Variants in ANKS1B observed in about 807,000 individuals in gnomAD.
ANKS1B encodes ankyrin repeat and sterile alpha motif domain containing 1B, also known as ankyrin repeat and sterile alpha motif domain-containing protein 1B.
In ANKS1B, 36 loss-of-function variants were observed where a neutral mutation model predicts 148.3. That is an observed-to-expected ratio of 0.24 (90% CI 0.19 to 0.32). The LOEUF (loss-of-function observed/expected upper bound fraction) is 0.32. Ranked by LOEUF, ANKS1B falls within the 10% of genes least tolerant of loss-of-function variation. The pLI is 1.00. For missense variants in ANKS1B, 1,157 were observed against 1,542.6 expected (o/e 0.75, Z 4.19); for synonymous variants, 542 against 560.8 (o/e 0.97, Z 0.47).
rs1180185790 is a variant in ANKS1B, at chr12:99,786,580, C to G, written c.670-4483G>C. ...GTAGATAGAGTGAAAAAAGTAAATCCCCCTAAGAATGCCTAACCACAATTC... is the reference window on the plus strand; with the variant it reads ...GTAGATAGAGTGAAAAAAGTAAATCGCCCTAAGAATGCCTAACCACAATTC... On this transcript the variant is annotated intron_variant, in intron 4 of 26. Coordinates refer to ENST00000683438, the MANE Select transcript of ANKS1B (RefSeq NM_001352186.2). 1.3e-4 allele frequency among the ~76,000 whole-genome samples: 20 copies of G among 151,930 alleles called. No homozygotes were observed. In the East Asian group the frequency reaches 3.9e-3, roughly 29 times the overall value.
intron 11 of ANKS1B, among the ~76,000 whole-genome samples, chr12:99,402,785 A>G (rs1188072042): frequency 6.8e-6 from 1 of 146,216 alleles, no homozygotes; most frequent in African/African-American, 2.6e-5. Context: ...GAACATACGC[A>G]TGACGTGTCT....
rs559566927 is a variant in ANKS1B, at chr12:99,246,428, C to A, written c.2193G>T (p.Leu731Phe). Residue 731 changes from leucine to phenylalanine, a missense_variant, in exon 13 of 27, where the codon TTG becomes TTT. Coordinates refer to ENST00000683438, the MANE Select transcript of ANKS1B (RefSeq NM_001352186.2). ...AATCAGATTTAGAGACACTTTTTGA[C>A]AAATGCATGTCGATCAAGGCTTTAG... Reference protein sequence around the residue: ...SLPKALIDMHLSKSVSKSDSD... With the variant: ...SLPKALIDMHFSKSVSKSDSD... The A allele has an allele frequency of 3.7e-5, 60 of 1,613,852 alleles. No homozygotes were observed. Among genetic ancestry groups the A allele is most frequent in the African/African-American group, 1.7e-4 (13 of 75,024 alleles).
intron 9 of ANKS1B, chr12:99,648,613 T>C: frequency 6.2e-7 from 1 of 1,614,102 alleles, no homozygotes; most frequent in Non-Finnish European, 8.5e-7. Context: ...CACGGGCCGC[T>C]CTTTTTATCT....
intron 12 of ANKS1B, among the ~76,000 whole-genome samples, chr12:99,268,145 A>G (rs2076642191): frequency 6.6e-6 from 1 of 152,152 alleles, no homozygotes; most frequent in Non-Finnish European, 1.5e-5. Context: ...CTATCAAGAG[A>G]ACTCAACTCG....
chr12:99,258,613 T>TTTG (rs1555360329), intron 12 of ANKS1B, among the ~76,000 whole-genome samples: 1 of 150,424 alleles, frequency 6.6e-6, no homozygotes, highest in African/African-American at 2.4e-5. Context: ...TCCACTTGTT[T>TTTG]TTTTTTTTTT....
intron 24 of ANKS1B, among the ~76,000 whole-genome samples, chr12:98,777,804 A>G (rs184554953): frequency 1.6e-4 from 24 of 152,208 alleles, no homozygotes; most frequent in African/African-American, 5.8e-4. Context: ...TTTATTTATT[A>G]TAATCAAAGG....
At chr12:99,917,069 C>T (rs991939091) in intron 1 of ANKS1B, among the ~76,000 whole-genome samples, 5 of 152,188 alleles carry the variant, frequency 3.3e-5, no homozygotes, top group African/African-American at 1.2e-4. Context: ...GGAAATCCAT[C>T]AGGCAGAGCT....
At position 99,979,989 on chromosome 12, in the gene ANKS1B, TGAAA is replaced by T. The variant is rs1292956383; in HGVS notation, c.134+4111_134+4114del. Among the ~76,000 whole-genome samples, 6 of 151,520 alleles carry T rather than the reference TGAAA, an allele frequency of 4.0e-5. No individual in the cohort carries two copies. The East Asian group carries it at 1.2e-3, about 29-fold the overall frequency. On this transcript the variant is annotated intron_variant, in intron 1 of 26. Transcript: ENST00000683438. ...ATACAGGGGAGAGAAGTTAATACGC[TGAAA>T]GACAGACTCAAGAGTCAGAAAGAAG...
At chr12:99,155,172 C>G (rs771280663) in intron 14 of ANKS1B, 15 of 1,389,780 alleles carry the variant, frequency 1.1e-5, no homozygotes, top group Non-Finnish European at 1.3e-5. Flanking sequence ...ACAGAGCTCA[C>G]GACAGGTTCC....
intron 11 of ANKS1B, among the ~76,000 whole-genome samples, chr12:99,419,689 G>C (rs985484029): frequency 1.3e-5 from 2 of 152,078 alleles, no homozygotes; most frequent in Non-Finnish European, 2.9e-5. Context: ...TGTTTTTAGA[G>C]ATAGGGTCTC....
intron 14 of ANKS1B, among the ~76,000 whole-genome samples, chr12:99,230,035 G>C (rs947070275): frequency 6.6e-6 from 1 of 150,738 alleles, no homozygotes; most frequent in African/African-American, 2.4e-5. Context: ...GAAAAAAAAA[G>C]TCATCTGTTA....
intron 17 of ANKS1B, among the ~76,000 whole-genome samples, chr12:98,932,011 T>C (rs1321171118): frequency 5.3e-5 from 8 of 152,162 alleles, no homozygotes; most frequent in African/African-American, 1.9e-4. Context: ...CTCAGTCCCA[T>C]GGTGGAAGAA....
chr12:99,676,642 T>C (rs2098574254), intron 8 of ANKS1B, among the ~76,000 whole-genome samples: 1 of 152,240 alleles, frequency 6.6e-6, no homozygotes, highest in Non-Finnish European at 1.5e-5. Context: ...GGTTTTCAAT[T>C]TGAAATATTC....
intron 8 of ANKS1B, among the ~76,000 whole-genome samples, chr12:99,710,695 G>A (rs748332388): frequency 2.0e-5 from 3 of 151,980 alleles, no homozygotes; most frequent in Non-Finnish European, 2.9e-5. Flanking sequence ...CAATATCTAT[G>A]AACAGCTGAA....
chr12:99,343,563 A>G (rs1011646918), intron 12 of ANKS1B, among the ~76,000 whole-genome samples: 4 of 152,104 alleles, frequency 2.6e-5, no homozygotes, highest in Middle Eastern at 3.4e-3. Flanking sequence ...TCCTCTCAGC[A>G]TCTACAACCT....
intron 14 of ANKS1B, among the ~76,000 whole-genome samples, chr12:99,184,062 G>T (rs1007795323): frequency 7.2e-5 from 11 of 152,088 alleles, no homozygotes; most frequent in Non-Finnish European, 1.2e-4. Flanking sequence ...TGGGTAATCT[G>T]GATATTAATT....
intron 15 of ANKS1B, among the ~76,000 whole-genome samples, chr12:99,119,185 G>T (rs2062113277): frequency 6.6e-6 from 1 of 152,162 alleles, no homozygotes; most frequent in Non-Finnish European, 1.5e-5. Flanking sequence ...TTATAAAATA[G>T]ATGGAAAGGG....
rs542714472 is a variant in ANKS1B at position 99,633,434 on chromosome 12, T to A, written c.1272+21633A>T. On this transcript the variant is annotated intron_variant, in intron 9 of 26. Transcript: ENST00000683438. ...GTGCTGGGAAAACTGGCTAGCCATA[T>A]ATAGAAAGCTGAAACTGGATCCCTT... Among the ~76,000 whole-genome samples, 30 of 152,266 alleles carry A rather than the reference T, an allele frequency of 2.0e-4. 1 individual carries two copies. Among genetic ancestry groups the A allele is most frequent in the African/African-American group, 7.2e-4 (30 of 41,564 alleles).
chr12:99,324,131 G>T (rs1762414263), intron 12 of ANKS1B, among the ~76,000 whole-genome samples: 2 of 151,974 alleles, frequency 1.3e-5, no homozygotes, highest in South Asian at 4.2e-4. Context: ...ATTTATTTTT[G>T]TGTGTACATT....
Sources: allele counts gnomAD v4.1 joint callset (sites outside exome capture counted in the v4.1 genomes callset), GRCh38; gene constraint gnomAD v4.1.1; transcripts MANE v1.5; gene names NCBI Gene and HGNC (gene_info 2026-07-23, HGNC 2026-07-21).